Variants in THSD4 observed in about 807,000 individuals in gnomAD.
THSD4 encodes thrombospondin type 1 domain containing 4.
THSD4 carries 69 observed loss-of-function variants against 119.0 expected under a neutral mutation model. The ratio of observed to expected loss-of-function variants is 0.58; its 90% confidence interval spans 0.48 to 0.71. The LOEUF is 0.71. THSD4 is among the 30% of genes least tolerant of loss of function. The pLI, the probability that THSD4 is intolerant of heterozygous loss-of-function variation, is 0.00. For missense variants in THSD4, 1,393 were observed against 1,391.1 expected (o/e 1.00, Z -0.02); for synonymous variants, 524 against 540.4 (o/e 0.97, Z 0.42).
At chr15:71,193,182 G>A (rs1443803117) in intron 3 of THSD4, among the ~76,000 whole-genome samples, 2 of 152,076 alleles carry the variant, frequency 1.3e-5, no homozygotes, top group East Asian at 3.9e-4. Flanking sequence ...CTCTCAAATG[G>A]TCCTGCTGCT....
intron 6 of THSD4, among the ~76,000 whole-genome samples, chr15:71,331,015 C>T (rs537656194): frequency 1.3e-4 from 20 of 152,284 alleles, no homozygotes; most frequent in South Asian, 2.1e-4. Context: ...GTGTGGCTCC[C>T]GGGTGTAGAC....
In THSD4 at chr15:71,242,780, C is replaced by G. The variant is rs777553782; in HGVS notation, c.596C>G (p.Ser199Cys). ...LRRQKLSSRH[S>C]RSQGASSARH... Reference sequence around the variant, plus strand: ...AGACAGAAGCTCTCATCCCGCCATTCCAGGTCCCAGGGAGCATCTTCTGCT... The same window carrying G: ...AGACAGAAGCTCTCATCCCGCCATTGCAGGTCCCAGGGAGCATCTTCTGCT... Residue 199 changes from serine to cysteine, a missense_variant, in exon 5 of 18, where the codon TCC (serine) becomes TGC (cysteine). Coordinates refer to ENST00000261862, the MANE Select transcript of THSD4 (RefSeq NM_024817.3). 3.7e-6 allele frequency: 6 copies of G among 1,614,230 alleles called. No individual in the cohort carries two copies. Among genetic ancestry groups the G allele is most frequent in the Non-Finnish European group, 5.1e-6 (6 of 1,180,048 alleles).
intron 6 of THSD4, among the ~76,000 whole-genome samples, chr15:71,286,408 A>G (rs980954913): frequency 1.3e-5 from 2 of 152,122 alleles, no homozygotes; most frequent in African/African-American, 4.8e-5. Context: ...GAGAACATGC[A>G]GTATTTGGTT....
rs966827718 is a variant in THSD4 at position 71,780,540 on chromosome 15, AG to A, written c.*3167del. 3.0e-6 allele frequency: 1 copy of A among 329,024 alleles called. No homozygotes were observed. The highest frequency in any genetic ancestry group is 2.2e-5 in the African/African-American group (1 of 46,502). 20.4% of individuals were successfully genotyped at this position (329,024 alleles called of 1,614,324 possible). A position where few individuals can be genotyped will look rare whatever the true frequency, so the allele number is the denominator to read the frequency against. ...TAAAAAAACAAACAAAAACACCAAA[AG>A]AAAAAAAAAAGCCATTTAAAGCCAG... On this transcript the variant is annotated 3_prime_UTR_variant, in exon 18 of 18. Transcript: ENST00000261862.
intron 7 of THSD4, among the ~76,000 whole-genome samples, chr15:71,640,670 A>C (rs1447233118): frequency 1.3e-5 from 2 of 152,090 alleles, no homozygotes; most frequent in African/African-American, 4.8e-5. Flanking sequence ...ATTTCTTCTT[A>C]TTTTAAGTGT....
At chr15:71,097,196 C>A (rs940225709) in intron 1 of THSD4, among the ~76,000 whole-genome samples, 3 of 152,130 alleles carry the variant, frequency 2.0e-5, no homozygotes, top group Non-Finnish European at 4.4e-5. Context: ...ACTATTCAAC[C>A]AGCTTTGAAT....
intron 7 of THSD4, among the ~76,000 whole-genome samples, chr15:71,654,818 A>T (rs1404684190): frequency 2.6e-5 from 4 of 152,160 alleles, no homozygotes; most frequent in African/African-American, 7.2e-5. Flanking sequence ...ATCTAGCCAA[A>T]CAGTTGAGGT....
intron 7 of THSD4, among the ~76,000 whole-genome samples, chr15:71,512,279 C>A (rs1262879006): frequency 6.6e-6 from 1 of 152,128 alleles, no homozygotes; most frequent in African/African-American, 2.4e-5. Context: ...CAGGTTTTCT[C>A]AAAAATGCTA....
chr15:71,361,477 G>T (rs2045891036), intron 6 of THSD4, among the ~76,000 whole-genome samples: 1 of 152,184 alleles, frequency 6.6e-6, no homozygotes, highest in Non-Finnish European at 1.5e-5. Flanking sequence ...ACCCCTCAGA[G>T]TGGCAAAGAT....
chr15:71,598,385 A>C (rs1049503985), intron 7 of THSD4, among the ~76,000 whole-genome samples: 3 of 152,170 alleles, frequency 2.0e-5, no homozygotes, highest in Non-Finnish European at 4.4e-5. Context: ...TTTTGACTAT[A>C]GGCATTGATG....
At chr15:71,434,294 A>G (rs1410686232) in intron 7 of THSD4, among the ~76,000 whole-genome samples, 1 of 152,152 alleles carries the variant, frequency 6.6e-6, no homozygotes, top group African/African-American at 2.4e-5. Flanking sequence ...TGTAACACAC[A>G]TTATGTACAC....
At chr15:71,496,638 C>G (rs540799180) in intron 7 of THSD4, among the ~76,000 whole-genome samples, 1 of 152,278 alleles carries the variant, frequency 6.6e-6, no homozygotes, top group South Asian at 2.1e-4. Flanking sequence ...TACCCCATAG[C>G]TTCTACTGAC....
intron 7 of THSD4, among the ~76,000 whole-genome samples, chr15:71,448,353 A>C (rs1284542466): frequency 2.0e-5 from 3 of 152,240 alleles, no homozygotes; most frequent in Non-Finnish European, 2.9e-5. Flanking sequence ...CTTAGGAAAC[A>C]ACCGGTCCTT....
At chr15:71,608,237 A>AAAAATAT (rs537013275) in intron 7 of THSD4, among the ~76,000 whole-genome samples, 1,636 of 111,416 alleles carry the variant, frequency 0.015, 78 homozygotes, top group East Asian at 0.051. Context: ...AAAAAAAAAA[A>AAAAATAT]ATATATATAT....
chr15:71,648,205 G>C (rs1400694274), intron 7 of THSD4, among the ~76,000 whole-genome samples: 2 of 152,122 alleles, frequency 1.3e-5, no homozygotes, highest in African/African-American at 4.8e-5. Flanking sequence ...GTGTTGTTGA[G>C]AGAATTAGGC....
At chr15:71,317,099 C>T (rs1294358454) in intron 6 of THSD4, among the ~76,000 whole-genome samples, 2 of 152,110 alleles carry the variant, frequency 1.3e-5, no homozygotes, top group African/African-American at 2.4e-5. Flanking sequence ...GGAGAATTTT[C>T]AGAGCTGGAT....
At chr15:71,485,598 T>C (rs1292628437) in intron 7 of THSD4, among the ~76,000 whole-genome samples, 1 of 151,732 alleles carries the variant, frequency 6.6e-6, no homozygotes, top group Admixed American at 6.6e-5. Context: ...CTAAGGAAAA[T>C]GGAAATTGGA....
At chr15:71,424,610 T>G (rs2046846480) in intron 7 of THSD4, among the ~76,000 whole-genome samples, 1 of 152,008 alleles carries the variant, frequency 6.6e-6, no homozygotes, top group Non-Finnish European at 1.5e-5. Context: ...TTCAGAGAGG[T>G]CTCAGAGACA....
intron 1 of THSD4, among the ~76,000 whole-genome samples, chr15:71,102,058 C>T (rs1355557971): frequency 1.3e-5 from 2 of 152,100 alleles, no homozygotes; most frequent in African/African-American, 4.8e-5. Context: ...TTCTACTTCC[C>T]TCCAGCTTCC....
Sources: allele counts gnomAD v4.1 joint callset (sites outside exome capture counted in the v4.1 genomes callset), GRCh38; gene constraint gnomAD v4.1.1; transcripts MANE v1.5; gene names NCBI Gene and HGNC (gene_info 2026-07-23, HGNC 2026-07-21).